The following NXPH1 variants were observed in gnomAD, a reference collection of about 807,000 sequenced individuals.
NXPH1 encodes the protein neurexophilin-1.
Under a neutral mutation model 23.7 loss-of-function variants are expected in NXPH1, and 5 were observed. That is an observed-to-expected ratio of 0.21 (90% CI 0.11 to 0.44). The LOEUF is 0.44. Ranked by LOEUF, NXPH1 falls within the 20% of genes least tolerant of loss-of-function variation. The pLI, the probability that NXPH1 is intolerant of heterozygous loss-of-function variation, is 0.99. For missense variants in NXPH1, 324 were observed against 321.6 expected, an observed-to-expected ratio of 1.01 and a Z score of -0.06; for synonymous variants, 144 against 122.2, an observed-to-expected ratio of 1.18 and a Z score of -1.18.
chr7:8,751,640 G>A lies in NXPH1; in HGVS notation c.687G>A (p.Trp229Ter). The change falls in exon 3 of 3, where the codon TGG becomes TGA. Residue 229 changes from tryptophan to a stop codon, truncating the protein, a stop_gained. Coordinates refer to ENST00000405863, the MANE Select transcript of NXPH1 (RefSeq NM_152745.3). LOFTEE classifies it high-confidence loss of function. The surrounding 1 kb of genome is among the most constrained non-coding windows in gnomAD (Gnocchi z 4.5). ...AGCAAACCCAAAGTCATGTATCCTG[G>A]CTCTGCTCCAAGCCCTTTAAGGTGA... ...YQEQTQSHVS[W>*]LCSKPFKVIC... 6.2e-7 allele frequency: 1 copy of A among 1,613,444 alleles called. No individual in the cohort carries two copies. Among genetic ancestry groups the A allele is most frequent in the Non-Finnish European group, 8.5e-7 (1 of 1,179,696 alleles).
intron 2 of NXPH1, among the ~76,000 whole-genome samples, chr7:8,557,081 C>A (rs1818369913): frequency 6.6e-6 from 1 of 151,708 alleles, no homozygotes; most frequent in Non-Finnish European, 1.5e-5. Context: ...TAGAATGAGA[C>A]ATTGTAATGT....
chr7:8,667,647 T>A (rs1012990062), intron 2 of NXPH1, among the ~76,000 whole-genome samples: 2 of 152,244 alleles, frequency 1.3e-5, no homozygotes, highest in Non-Finnish European at 2.9e-5. Flanking sequence ...GGCAGATTGT[T>A]TATAATATGT....
chr7:8,480,315 A>T (rs1211500426), intron 2 of NXPH1, among the ~76,000 whole-genome samples: 1 of 152,182 alleles, frequency 6.6e-6, no homozygotes, highest in Non-Finnish European at 1.5e-5. Flanking sequence ...TCTCTCCTGG[A>T]TGAATTCTGT....
At chr7:8,676,425 T>G (rs554260790) in intron 2 of NXPH1, among the ~76,000 whole-genome samples, 93 of 152,338 alleles carry the variant, frequency 6.1e-4, no homozygotes, top group African/African-American at 2.2e-3. Context: ...AGGCCTCATC[T>G]ATGCAATCGT....
At chr7:8,607,548 A>G (rs1207445231) in intron 2 of NXPH1, among the ~76,000 whole-genome samples, 3 of 152,180 alleles carry the variant, frequency 2.0e-5, no homozygotes, top group Non-Finnish European at 4.4e-5. Context: ...AGAACTGCCT[A>G]AGAAGAGAAC....
chr7:8,699,423 A>G (rs1779585883), intron 2 of NXPH1, among the ~76,000 whole-genome samples: 2 of 135,306 alleles, frequency 1.5e-5, no homozygotes, highest in Non-Finnish European at 3.4e-5. Flanking sequence ...TTTGGTGTCA[A>G]TGTTTTATCT....
At chr7:8,710,640 GTTTTTTGTTTTTT>G (rs1461917686) in intron 2 of NXPH1, among the ~76,000 whole-genome samples, 4 of 27,680 alleles carry the variant, frequency 1.4e-4, no homozygotes, top group South Asian at 1.9e-3. Flanking sequence ...CAACTGTTAC[GTTTTTTGTTTTTT>G]TTTTTTTTTT....
At chr7:8,745,361 C>G (rs1282296331) in intron 2 of NXPH1, among the ~76,000 whole-genome samples, 1 of 132,442 alleles carries the variant, frequency 7.6e-6, no homozygotes, top group Admixed American at 9.2e-5. Flanking sequence ...AATCTACTCT[C>G]TTAGCATGGT....
In NXPH1 at chr7:8,442,255, C is replaced by G. The variant is rs894471118; in HGVS notation, c.54+6488C>G. On this transcript the variant is annotated intron_variant, in intron 2 of 2. Coordinates refer to ENST00000405863, the MANE Select transcript of NXPH1 (RefSeq NM_152745.3). The surrounding 1 kb of genome is among the most constrained non-coding windows in gnomAD (Gnocchi z 4.6). The stretch of plus-strand genomic sequence containing the variant: ...GCCTCATCTGCATGAGAATGGAGAA[C>G]CGGGAGGCTTTTCTTGTACTGTTTC... Among the ~76,000 whole-genome samples, 2 of 152,220 alleles carry G rather than the reference C, an allele frequency of 1.3e-5. No individual in the cohort carries two copies. Among genetic ancestry groups the G allele is most frequent in the African/African-American group, 2.4e-5 (1 of 41,454 alleles).
At chr7:8,674,314 G>A (rs528463795) in intron 2 of NXPH1, among the ~76,000 whole-genome samples, 1 of 152,160 alleles carries the variant, frequency 6.6e-6, no homozygotes, top group South Asian at 2.1e-4. Context: ...CTAAAGGGAT[G>A]ACTAAACTGA....
chr7:8,560,314 A>T (rs761535704), intron 2 of NXPH1, among the ~76,000 whole-genome samples: 28 of 151,746 alleles, frequency 1.8e-4, no homozygotes, highest in Non-Finnish European at 3.4e-4. Context: ...TATTTCAAAG[A>T]CTGTTGACAT....
chr7:8,478,225 G>A (rs1238928168), intron 2 of NXPH1, among the ~76,000 whole-genome samples: 7 of 152,110 alleles, frequency 4.6e-5, no homozygotes, highest in Admixed American at 3.9e-4. Flanking sequence ...CATTTGATAA[G>A]TTCTTCTACA....
rs144309029 is a variant in NXPH1 at position 8,581,529 on chromosome 7, G to T, written c.54+145762G>T. 3.9e-4 allele frequency among the ~76,000 whole-genome samples: 59 copies of T among 152,284 alleles called. 1 individual carries two copies. The highest frequency in any genetic ancestry group is 1.3e-3 in the African/African-American group (52 of 41,536). On this transcript the variant is annotated intron_variant, in intron 2 of 2. Coordinates refer to ENST00000405863, the MANE Select transcript of NXPH1 (RefSeq NM_152745.3). The stretch of plus-strand genomic sequence containing the variant: ...TCATGGAACAGCAAGGGGAAAATCT[G>T]CCCCCAGGATCCAATCACCTCTCAC...
chr7:8,710,807 C>T lies in NXPH1; in HGVS notation c.55-40201C>T, dbSNP rs539112666. Among the ~76,000 whole-genome samples the T allele has an allele frequency of 5.4e-4, 75 of 138,432 alleles. 3 individuals are homozygous for T. The highest frequency in any genetic ancestry group is 2.3e-3 in the South Asian group (10 of 4,260). The allele number at this position is 138,432 out of a possible 152,430, so 90.8% of individuals were successfully genotyped here. On this transcript the variant is annotated intron_variant, in intron 2 of 2. Coordinates refer to ENST00000405863, the MANE Select transcript of NXPH1 (RefSeq NM_152745.3). ...CCTCCCCAGTAGCTGGGACTACAGG[C>T]GCCCGCCACCGCGCCCGGCTAATTT...
rs117566771 is a variant in NXPH1 at position 8,442,568 on chromosome 7, C to T, written c.54+6801C>T. Among the ~76,000 whole-genome samples, 2,530 of 152,326 alleles carry T rather than the reference C, an allele frequency of 0.017. 59 individuals carry two copies. Among genetic ancestry groups the T allele is most frequent in the Non-Finnish European group, 0.02 (1,356 of 68,020 alleles). On this transcript the variant is annotated intron_variant, in intron 2 of 2. Coordinates refer to ENST00000405863, the MANE Select transcript of NXPH1 (RefSeq NM_152745.3). This position sits in a 1 kb window ranked among gnomAD's most constrained non-coding sequence, Gnocchi z 4.6. ...CACATTGACTTTAAAAGGCCATTTTCCTTCGTCTTCTACAAGAAGCAAGAA... is the reference window on the plus strand; with the variant it reads ...CACATTGACTTTAAAAGGCCATTTTTCTTCGTCTTCTACAAGAAGCAAGAA...
At chr7:8,610,662 C>A (rs1007958739) in intron 2 of NXPH1, among the ~76,000 whole-genome samples, 4 of 151,984 alleles carry the variant, frequency 2.6e-5, no homozygotes, top group African/African-American at 4.8e-5. Context: ...GGTATGATTA[C>A]AACTGGTTTC....
At chr7:8,484,440 T>C (rs1296128634) in intron 2 of NXPH1, among the ~76,000 whole-genome samples, 1 of 152,060 alleles carries the variant, frequency 6.6e-6, no homozygotes, top group Non-Finnish European at 1.5e-5. Flanking sequence ...TGTCAAAGGA[T>C]ATGTAATTTT....
At chr7:8,612,890 C>T (rs775725902) in intron 2 of NXPH1, among the ~76,000 whole-genome samples, 24 of 152,028 alleles carry the variant, frequency 1.6e-4, no homozygotes, top group Admixed American at 6.6e-5. Flanking sequence ...TTTACCTTAC[C>T]TGAAGTTAGG....
chr7:8,499,935 A>G (rs142542186), intron 2 of NXPH1, among the ~76,000 whole-genome samples: 61 of 152,224 alleles, frequency 4.0e-4, no homozygotes, highest in African/African-American at 1.4e-3. Flanking sequence ...ATGAGGAAGA[A>G]GCATGTACGG....
Sources: allele counts gnomAD v4.1 joint callset (sites outside exome capture counted in the v4.1 genomes callset), GRCh38; gene constraint gnomAD v4.1.1; non-coding constraint Gnocchi (gnomAD v3.1); transcripts MANE v1.5; gene names NCBI Gene and HGNC (gene_info 2026-07-23, HGNC 2026-07-21).